Variants in DIAPH2 observed in about 807,000 individuals in gnomAD.
DIAPH2 encodes the protein protein diaphanous homolog 2.
In DIAPH2, 35 loss-of-function variants were observed where a neutral mutation model predicts 92.7. That is an observed-to-expected ratio of 0.38 (90% confidence interval 0.29 to 0.50). The LOEUF (loss-of-function observed/expected upper bound fraction) is 0.50. Ranked by LOEUF, DIAPH2 falls within the 20% of genes least tolerant of loss-of-function variation. DIAPH2 has a pLI of 0.94. For synonymous variants in DIAPH2, 301 were observed against 280.4 expected, an observed-to-expected ratio of 1.07 and a Z score of -0.73; for missense variants, 701 against 819.5, an observed-to-expected ratio of 0.86 and a Z score of 1.77.
At chrX:97,461,110 C>T (rs1438645646) in intron 26 of DIAPH2, among the ~76,000 whole-genome samples, 3 of 111,123 alleles carry the variant, frequency 2.7e-5, no homozygotes, top group African/African-American at 9.8e-5. Context: ...ATGGGAAGGC[C>T]CAGGGAGGTT....
chrX:97,558,480 A>G (rs910780657), intron 26 of DIAPH2, among the ~76,000 whole-genome samples: 1 of 111,357 alleles, frequency 9.0e-6, no homozygotes, highest in Non-Finnish European at 1.9e-5. Flanking sequence ...GGATGAGAGG[A>G]GGCAAGGTAG....
chrX:96,941,264 T>C (rs1356621488), intron 12 of DIAPH2, among the ~76,000 whole-genome samples: 1 of 111,998 alleles, frequency 8.9e-6, no homozygotes, highest in Non-Finnish European at 1.9e-5. Flanking sequence ...CTGTTGAATT[T>C]ATTATCCTTT....
Position 97,058,703 on chromosome X carries a change from A to T in DIAPH2, c.2051-14238A>T, listed in dbSNP as rs766043589. ...TTTAGTTACACCTTGAAGACAGAAGATCATCACTTTCACATTTATATTCCT... is the reference window on the plus strand; with the variant it reads ...TTTAGTTACACCTTGAAGACAGAAGTTCATCACTTTCACATTTATATTCCT... On this transcript the variant is annotated intron_variant, in intron 17 of 26. Transcript: ENST00000324765. Among the ~76,000 whole-genome samples the T allele has an allele frequency of 1.6e-3, 180 of 110,852 alleles. 5 individuals carry two copies. The highest frequency in any genetic ancestry group is 1.8e-3 in the Non-Finnish European group (95 of 52,935).
chrX:97,182,733 G>A (rs1294925724), intron 22 of DIAPH2, among the ~76,000 whole-genome samples: 1 of 111,593 alleles, frequency 9.0e-6, no homozygotes, highest in Admixed American at 9.6e-5. Context: ...TTAAAAAGAG[G>A]AGAGCAGTAG....
chrX:96,961,410 TTTTTC>T (rs1390183648), intron 16 of DIAPH2, among the ~76,000 whole-genome samples: 214 of 108,065 alleles, frequency 2.0e-3, no homozygotes, highest in African/African-American at 6.9e-3. Flanking sequence ...TCTTTTTTTT[TTTTTC>T]TTTTCTTGGA....
In DIAPH2 at chrX:96,853,559, A is replaced by G. The variant is rs2065018089; in HGVS notation, c.448-28020A>G. 1.8e-5 allele frequency among the ~76,000 whole-genome samples: 2 copies of G among 111,296 alleles called. 1 individual carries two copies. The highest frequency in any genetic ancestry group is 1.9e-4 in the Admixed American group (2 of 10,461). On this transcript the variant is annotated intron_variant, in intron 4 of 26. Transcript: ENST00000324765. ...CTGCTGGTTCTCACATTAAAGAGAA[A>G]TTTCCATTTTCCATTAATGTATTCA...
intron 25 of DIAPH2, among the ~76,000 whole-genome samples, chrX:97,390,642 C>G (rs1419428477): frequency 9.0e-6 from 1 of 111,469 alleles, no homozygotes; most frequent in Non-Finnish European, 1.9e-5. Flanking sequence ...AAGTGATTCT[C>G]CTGCCTCAGC....
chrX:96,976,559 A>G (rs902874053), intron 17 of DIAPH2, among the ~76,000 whole-genome samples: 2 of 110,789 alleles, frequency 1.8e-5, no homozygotes, highest in Admixed American at 9.6e-5. Flanking sequence ...GATGACACAC[A>G]TTAATTTCCA....
chrX:97,395,729 A>C (rs1262945810), intron 25 of DIAPH2, among the ~76,000 whole-genome samples: 11 of 112,285 alleles, frequency 9.8e-5, no homozygotes, highest in Non-Finnish European at 3.8e-5. Context: ...AAATTTCTAC[A>C]TCTACTAAAA....
At chrX:96,768,562 G>A (rs1035186834) in intron 4 of DIAPH2, among the ~76,000 whole-genome samples, 15 of 112,005 alleles carry the variant, frequency 1.3e-4, no homozygotes, top group East Asian at 2.8e-4. Context: ...ACAGGTAAGC[G>A]CTATTAGAGA....
chrX:97,057,529 G>C (rs1425099256), intron 17 of DIAPH2, among the ~76,000 whole-genome samples: 1 of 111,723 alleles, frequency 9.0e-6, no homozygotes, highest in Non-Finnish European at 1.9e-5. Context: ...AGGGAAGCTT[G>C]AATAACTACC....
chrX:97,577,378 GAGGCTCAT>G (rs1276462872), intron 26 of DIAPH2, among the ~76,000 whole-genome samples: 2 of 112,360 alleles, frequency 1.8e-5, no homozygotes, highest in Admixed American at 1.9e-4. Flanking sequence ...AGAGGTAGAA[GAGGCTCAT>G]TCTCTGCCAT....
chrX:96,732,824 G>T (rs1160644765), intron 1 of DIAPH2, among the ~76,000 whole-genome samples: 1 of 112,055 alleles, frequency 8.9e-6, no homozygotes, highest in East Asian at 2.8e-4. Context: ...AATGTATATA[G>T]CAGAATGGAC....
intron 22 of DIAPH2, among the ~76,000 whole-genome samples, chrX:97,171,279 A>G (rs2067451757): frequency 8.9e-6 from 1 of 112,497 alleles, no homozygotes; most frequent in East Asian, 2.8e-4. Flanking sequence ...TATGTAGCCA[A>G]TATCCTATTA....
chrX:96,760,891 G>A lies in DIAPH2; in HGVS notation c.447+2633G>A, dbSNP rs150432835. On this transcript the variant is annotated intron_variant, in intron 4 of 26. Transcript: ENST00000324765. Reference sequence around the variant, plus strand: ...GTCCATGATGAATGAACTTTAAATAGAGGGATGGAGAAGAACCTTCTTTCT... The same window carrying A: ...GTCCATGATGAATGAACTTTAAATAAAGGGATGGAGAAGAACCTTCTTTCT... Among the ~76,000 whole-genome samples the A allele has an allele frequency of 8.8e-3, 980 of 111,539 alleles. 5 individuals are homozygous for A. The highest frequency in any genetic ancestry group is 0.015 in the Non-Finnish European group (812 of 52,670).
intron 4 of DIAPH2, among the ~76,000 whole-genome samples, chrX:96,820,675 A>G (rs1160095533): frequency 1.8e-5 from 2 of 112,009 alleles, no homozygotes; most frequent in African/African-American, 6.5e-5. Flanking sequence ...TTAGTATATG[A>G]CAGTGTTCTG....
At chrX:96,896,458 A>T (rs1212160146) in intron 5 of DIAPH2, among the ~76,000 whole-genome samples, 1 of 111,891 alleles carries the variant, frequency 8.9e-6, no homozygotes, top group African/African-American at 3.2e-5. Context: ...ATAAGTCACT[A>T]ACCTTCTTTA....
At chrX:97,054,229 G>A (rs181205957) in intron 17 of DIAPH2, among the ~76,000 whole-genome samples, 61 of 112,119 alleles carry the variant, frequency 5.4e-4, no homozygotes, top group African/African-American at 1.8e-3. Flanking sequence ...ATACAATTTA[G>A]TTTCTAACAT....
At chrX:97,228,183 G>A (rs901498564) in intron 22 of DIAPH2, among the ~76,000 whole-genome samples, 2 of 112,086 alleles carry the variant, frequency 1.8e-5, no homozygotes, top group African/African-American at 6.5e-5. Flanking sequence ...TTACAGGCAT[G>A]AGCCACTGTT....
Sources: gnomAD v4.1 joint callset for allele counts (sites outside exome capture counted in the v4.1 genomes callset) on GRCh38, gnomAD v4.1.1 for gene constraint, MANE v1.5 for transcripts, NCBI Gene and HGNC (gene_info 2026-07-23, HGNC 2026-07-21) for gene names.